Variants in AGO4 observed in about 807,000 individuals in gnomAD.
AGO4 encodes protein argonaute-4.
In AGO4, 33 loss-of-function variants were observed where a neutral mutation model predicts 104.7. That is an observed-to-expected ratio of 0.32 (90% CI 0.24 to 0.42). The LOEUF is 0.42. AGO4 is among the 10% of genes least tolerant of loss of function. The probability of loss-of-function intolerance (pLI) is 1.00; values close to 1 mark genes in which losing one functional copy is unlikely to be tolerated. For synonymous variants in AGO4, 331 were observed against 364.7 expected (o/e 0.91, Z 1.05); for missense variants, 711 against 1,083.4 (o/e 0.66, Z 4.83).
rs989048425 is a variant in AGO4, at chr1:35,841,831, T to C, written c.2175+81T>C. On this transcript the variant is annotated intron_variant, in intron 15 of 17. Transcript: ENST00000373210. This position sits in a 1 kb window ranked among gnomAD's most constrained non-coding sequence, Gnocchi z 4.7. Reference sequence around the variant, plus strand: ...ATGCACATATATATATATATATATATATATATACACCATTTTTATACAATT... The same window carrying C: ...ATGCACATATATATATATATATATACATATATACACCATTTTTATACAATT... The C allele has an allele frequency of 1.7e-5, 14 of 835,338 alleles. No individual in the cohort carries two copies. The highest frequency in any genetic ancestry group is 6.3e-6 in the Non-Finnish European group (4 of 632,110). 51.7% of individuals were successfully genotyped at this position (835,338 alleles called of 1,614,324 possible).
At chr1:35,845,829 A>G (rs1644559256) in intron 15 of AGO4, among the ~76,000 whole-genome samples, 1 of 152,176 alleles carries the variant, frequency 6.6e-6, no homozygotes, top group African/African-American at 2.4e-5. Flanking sequence ...TTGCTTTTTG[A>G]TCATATTACA....
In AGO4 at chr1:35,825,299, A is replaced by T; in HGVS notation, c.307-14A>T. ...TAAACATTTGTGTTTGTATTCATGT[A>T]TTTTTTTCCTTAGGTTGATATGGAG... On this transcript the variant is annotated splice_polypyrimidine_tract_variant and intron_variant, in intron 3 of 17. Coordinates refer to ENST00000373210, the MANE Select transcript of AGO4 (RefSeq NM_017629.4). The T allele has an allele frequency of 6.2e-7, 1 of 1,609,394 alleles. No individual in the cohort carries two copies.
intron 1 of AGO4, among the ~76,000 whole-genome samples, chr1:35,811,097 G>A (rs949101663): frequency 3.9e-5 from 6 of 151,972 alleles, no homozygotes; most frequent in African/African-American, 1.2e-4. Context: ...AGGATGCTGC[G>A]AGCTGAGATC....
At position 35,850,842 on chromosome 1, in the gene AGO4, C is replaced by G. The variant is rs1300853843; in HGVS notation, c.2278-12C>G. ...CAAAAAAAAAACATTAATCATAAAA[C>G]TCTCTCCTCAGGGAACCAGCCGTCC... On this transcript the variant is annotated splice_polypyrimidine_tract_variant and intron_variant, in intron 16 of 17. Transcript: ENST00000373210. The G allele has an allele frequency of 1.0e-5, 8 of 792,810 alleles. No homozygotes were observed. The highest frequency in any genetic ancestry group is 2.2e-5 in the African/African-American group (1 of 44,940). The allele number at this position is 792,810 out of a possible 1,614,324, so 49.1% of individuals were successfully genotyped here.
intron 1 of AGO4, among the ~76,000 whole-genome samples, chr1:35,816,625 C>A (rs956288754): frequency 6.6e-6 from 1 of 151,756 alleles, no homozygotes; most frequent in Admixed American, 6.6e-5. Flanking sequence ...GTGGTGAAAC[C>A]CTGTCTCTAC....
At chr1:35,840,451 C>T (rs1644412887) in intron 13 of AGO4, among the ~76,000 whole-genome samples, 1 of 152,084 alleles carries the variant, frequency 6.6e-6, no homozygotes, top group Admixed American at 6.6e-5. Flanking sequence ...CGTGAGTCAC[C>T]ATGCCCGGCC....
Position 35,834,182 on chromosome 1 carries a change from C to T in AGO4, c.1564+8C>T. The T allele has an allele frequency of 1.3e-6, 2 of 1,551,074 alleles. No homozygotes were observed. Among genetic ancestry groups the T allele is most frequent in the Non-Finnish European group, 1.7e-6 (2 of 1,149,998 alleles). ...GAAAGACACCAGTATATGGTATGGA[C>T]CCTTTTAATGCTGAATGAGGGATGA... On this transcript the variant is annotated splice_region_variant and intron_variant, in intron 12 of 17. Coordinates refer to ENST00000373210, the MANE Select transcript of AGO4 (RefSeq NM_017629.4).
In AGO4 at chr1:35,831,916, A is replaced by G. The variant is rs2148668034; in HGVS notation, c.1101A>G (p.Glu367=). The part of the protein sequence containing the change: ...ATARSAPDRQ[E]EISRLVKSNS... The stretch of plus-strand genomic sequence containing the variant: ...CAAGATCTGCTCCTGACAGACAGGA[A>G]GAGATCAGTAGACTGGTCAGTAAGG... Residue 367 remains glutamate, a synonymous_variant, in exon 9 of 18, where the codon GAA becomes GAG. Transcript: ENST00000373210. 1 of 1,613,726 alleles carries G rather than the reference A, an allele frequency of 6.2e-7. No homozygotes were observed. The highest frequency in any genetic ancestry group is 8.5e-7 in the Non-Finnish European group (1 of 1,179,682).
Position 35,825,907 on chromosome 1 carries a change from A to G in AGO4, c.626-19A>G. ...CCTTCCCTTTTCCCTGAAGTGAAGT[A>G]TCCTTCTCTGTTTGTTAGTATCTGC... On this transcript the variant is annotated intron_variant, in intron 5 of 17. Coordinates refer to ENST00000373210, the MANE Select transcript of AGO4 (RefSeq NM_017629.4). 6.2e-7 allele frequency: 1 copy of G among 1,613,114 alleles called. No individual in the cohort carries two copies. The highest frequency in any genetic ancestry group is 8.5e-7 in the Non-Finnish European group (1 of 1,179,642).
chr1:35,812,620 C>G (rs1208927464), intron 1 of AGO4, among the ~76,000 whole-genome samples: 1 of 151,798 alleles, frequency 6.6e-6, no homozygotes, highest in African/African-American at 2.4e-5. Context: ...TAAGACAAGT[C>G]TCATTCTGTC....
At chr1:35,839,058 G>T (rs1644380394) in intron 13 of AGO4, among the ~76,000 whole-genome samples, 2 of 152,060 alleles carry the variant, frequency 1.3e-5, no homozygotes, top group African/African-American at 4.8e-5. Context: ...TCGGCTCACT[G>T]CAAACTCCGC....
At chr1:35,815,788 C>T in intron 1 of AGO4, among the ~76,000 whole-genome samples, 1 of 152,104 alleles carries the variant, frequency 6.6e-6, no homozygotes, top group East Asian at 1.9e-4. Flanking sequence ...CCACTAGATG[C>T]CAGCAGCACT....
intron 4 of AGO4, 74 bp from the exon 5 acceptor site, chr1:35,825,605 C>A: frequency 6.5e-7 from 1 of 1,532,480 alleles, no homozygotes; most frequent in East Asian, 2.3e-5. Flanking sequence ...TTGATTTCAG[C>A]TCCCAGAGTT....
At chr1:35,812,089 C>T (rs1456099251) in intron 1 of AGO4, among the ~76,000 whole-genome samples, 2 of 151,832 alleles carry the variant, frequency 1.3e-5, no homozygotes, top group African/African-American at 4.8e-5. Context: ...AGCCACTGTG[C>T]TTTATTGCTT....
At chr1:35,824,205 A>G (rs1224948362) in intron 3 of AGO4, among the ~76,000 whole-genome samples, 1 of 152,168 alleles carries the variant, frequency 6.6e-6, no homozygotes, top group Non-Finnish European at 1.5e-5. Flanking sequence ...CAGACAATCT[A>G]GAAATGCTGT....
intron 2 of AGO4, among the ~76,000 whole-genome samples, chr1:35,819,461 G>T (rs1643836068): frequency 6.6e-6 from 1 of 151,838 alleles, no homozygotes; most frequent in Non-Finnish European, 1.5e-5. Context: ...GCGCGCGGTG[G>T]CTCACATCTT....
In AGO4 at chr1:35,822,746, C is replaced by T. The variant is rs1203399192; in HGVS notation, c.186-116C>T. 3 of 1,316,968 alleles carry T rather than the reference C, an allele frequency of 2.3e-6. No homozygotes were observed. In the Admixed American group the frequency reaches 6.3e-5, roughly 27 times the overall value. 81.6% of individuals were successfully genotyped at this position (1,316,968 alleles called of 1,614,324 possible). On this transcript the variant is annotated intron_variant, in intron 2 of 17. Transcript: ENST00000373210. ...GTACTCGAATCAATTGTAACCTTAACTCTTACTTTTTCCAAGTAATACTGA... is the reference window on the plus strand; with the variant it reads ...GTACTCGAATCAATTGTAACCTTAATTCTTACTTTTTCCAAGTAATACTGA...
In AGO4 at chr1:35,841,460, T is replaced by C. The variant is rs1644440176; in HGVS notation, c.2020T>C (p.Ser674Pro). 1 of 1,612,614 alleles carries C rather than the reference T, an allele frequency of 6.2e-7. No individual in the cohort carries two copies. The highest frequency in any genetic ancestry group is 8.5e-7 in the Non-Finnish European group (1 of 1,178,774). The change falls in exon 14 of 18, where the codon TCT (serine) becomes CCT (proline). Residue 674 changes from serine (S) to proline (P), a missense_variant. By Grantham distance (74) the Ser-to-Pro change is moderately conservative. This residue lies in a region of AGO4 where 401 missense variants were observed against 665.5 expected (regional missense o/e 0.60). Coordinates refer to ENST00000373210, the MANE Select transcript of AGO4 (RefSeq NM_017629.4). The surrounding 1 kb of genome is among the most constrained non-coding windows in gnomAD (Gnocchi z 4.7). ...TRIIYYRGGV[S>P]EGQMKQVAWP... Reference sequence around the variant, plus strand: ...GATCATCTATTACCGTGGAGGGGTATCTGAGGGACAAATGAAACAGGTACT... The same window carrying C: ...GATCATCTATTACCGTGGAGGGGTACCTGAGGGACAAATGAAACAGGTACT...
At chr1:35,817,110 A>G in intron 2 of AGO4, 63 bp downstream of exon 2, 17 of 1,442,272 alleles carry the variant, frequency 1.2e-5, no homozygotes, top group East Asian at 2.4e-5. Context: ...TATGTATCAT[A>G]TTGTTCTCTA....
Sources: allele counts gnomAD v4.1 joint callset (sites outside exome capture counted in the v4.1 genomes callset), GRCh38; gene constraint gnomAD v4.1.1; regional missense constraint gnomAD v4.1.1; non-coding constraint Gnocchi (gnomAD v3.1); transcripts MANE v1.5; gene names NCBI Gene and HGNC (gene_info 2026-07-23, HGNC 2026-07-21).